Variants in NSUN6 observed in about 807,000 individuals in gnomAD.
NSUN6 encodes the protein tRNA (cytosine(72)-C(5))-methyltransferase NSUN6.
A neutral mutation model predicts 58.0 loss-of-function variants in NSUN6; 64 were observed. The ratio of observed to expected loss-of-function variants is 1.10; its 90% CI spans 0.90 to 1.36. The LOEUF is 1.36. NSUN6 is among the 40% of genes most tolerant of loss of function. The pLI is 0.00. For synonymous variants in NSUN6, 231 were observed against 193.9 expected, an observed-to-expected ratio of 1.19 and a Z score of -1.59; for missense variants, 701 against 550.1, an observed-to-expected ratio of 1.27 and a Z score of -2.74.
rs955118634 is a variant in NSUN6, at chr10:18,579,939, C to T, written c.922+6010G>A. On this transcript the variant is annotated intron_variant, in intron 8 of 10. Coordinates refer to ENST00000377304, the MANE Select transcript of NSUN6 (RefSeq NM_182543.5). ...AATGGGAAGCAGGTTTGCCCTAACC[C>T]GTTCCCAGCTTGACTTTTCCCTTTA... Among the ~76,000 whole-genome samples the T allele has an allele frequency of 5.3e-5, 8 of 152,264 alleles. No homozygotes were observed. In the East Asian group the frequency reaches 1.2e-3, roughly 22 times the overall value.
intron 3 of NSUN6, among the ~76,000 whole-genome samples, chr10:18,623,066 T>C (rs1235131577): frequency 1.3e-5 from 2 of 152,222 alleles, no homozygotes; most frequent in Admixed American, 6.5e-5. Flanking sequence ...AAAAATCATC[T>C]TCCAGAAATT....
intron 5 of NSUN6, among the ~76,000 whole-genome samples, chr10:18,611,177 C>T (rs1180887087): frequency 2.0e-5 from 3 of 151,994 alleles, no homozygotes; most frequent in Non-Finnish European, 1.5e-5. Flanking sequence ...GCCTGGGCAA[C>T]GAGCACCCAA....
chr10:18,637,256 C>T (rs2059249598), intron 3 of NSUN6, among the ~76,000 whole-genome samples: 2 of 152,118 alleles, frequency 1.3e-5, no homozygotes, highest in African/African-American at 2.4e-5. Context: ...AGCCACCACG[C>T]CCGGCCTCTT....
In NSUN6 at chr10:18,596,200, A is replaced by G. The variant is rs189079010; in HGVS notation, c.777+8T>C. On this transcript the variant is annotated splice_region_variant and intron_variant, in intron 7 of 10. Transcript: ENST00000377304. ...TTGAGAGTGGATTTGCTGTGAAGAC[A>G]GTCTCACCTGATCATGCATTAGTGC... 7.3e-4 allele frequency: 1,179 copies of G among 1,608,540 alleles called. 12 individuals carry two copies. In the African/African-American group the frequency reaches 0.015, roughly 20 times the overall value.
chr10:18,558,887 G>A (rs1359932839), intron 8 of NSUN6, among the ~76,000 whole-genome samples: 6 of 150,986 alleles, frequency 4.0e-5, no homozygotes, highest in African/African-American at 1.5e-4. Context: ...AAATGCAATG[G>A]TGAATAGAAT....
At chr10:18,653,088 C>T, upstream of NSUN6, 1 of 984,790 alleles carries the variant, frequency 1.0e-6, no homozygotes, top group Non-Finnish European at 1.2e-6. Context: ...TTTCTGTAGC[C>T]TGAATTTCAT....
Position 18,551,884 on chromosome 10 carries a change from C to A in NSUN6, c.1010G>T (p.Cys337Phe), listed in dbSNP as rs1339297186. The A allele has an allele frequency of 6.2e-7, 1 of 1,612,550 alleles. No homozygotes were observed. Among genetic ancestry groups the A allele is most frequent in the East Asian group, 2.2e-5 (1 of 44,856 alleles). ...TGCCACTTCCTTCACAGACCAAGTA[C>A]AGGCCATGTTTGGTCTCTGTCCCAT... is the stretch of plus-strand genomic sequence containing the variant. ...SGMGQRPNMA[C>F]TWSVKEVASY... Residue 337 changes from cysteine (C) to phenylalanine (F), a missense_variant, in exon 9 of 11, where the codon TGT (cysteine) becomes TTT (phenylalanine). Transcript: ENST00000377304.
chr10:18,546,999 A>C (rs192339398), intron 10 of NSUN6, among the ~76,000 whole-genome samples: 1 of 152,332 alleles, frequency 6.6e-6, no homozygotes, highest in African/African-American at 2.4e-5. Flanking sequence ...ATTCAGCTTT[A>C]TTTAACAGTT....
At chr10:18,565,732 A>G (rs2055876032) in intron 8 of NSUN6, among the ~76,000 whole-genome samples, 1 of 144,546 alleles carries the variant, frequency 6.9e-6, no homozygotes, top group African/African-American at 2.6e-5. Flanking sequence ...TATATTCACA[A>G]CAATCTCCAT....
chr10:18,585,948 C>T lies in NSUN6; in HGVS notation c.922+1G>A. On this transcript the variant is annotated splice_donor_variant, in intron 8 of 10. Transcript: ENST00000377304. LOFTEE classifies it high-confidence loss of function. ...AAAATAAGAAAATCAAAATAGCTCA[C>T]CTTCTGTGTCCTCCACCATATCAAG... 6.3e-7 allele frequency: 1 copy of T among 1,589,524 alleles called. No homozygotes were observed. Among genetic ancestry groups the T allele is most frequent in the South Asian group, 1.2e-5 (1 of 86,050 alleles).
chr10:18,590,181 A>G (rs995948072), intron 7 of NSUN6, among the ~76,000 whole-genome samples: 1 of 152,232 alleles, frequency 6.6e-6, no homozygotes, highest in Admixed American at 6.5e-5. Flanking sequence ...CATAATGACA[A>G]AAGGGTCAAT....
chr10:18,651,817 A>G (rs1443194106), upstream of NSUN6: 4 of 985,292 alleles, frequency 4.1e-6, no homozygotes, highest in African/African-American at 1.7e-5. Flanking sequence ...ATGGTCAAAG[A>G]TATTTAGTTC....
At chr10:18,558,164 G>A (rs1385505482) in intron 8 of NSUN6, among the ~76,000 whole-genome samples, 2 of 151,284 alleles carry the variant, frequency 1.3e-5, no homozygotes, top group African/African-American at 2.4e-5. Flanking sequence ...AGAATGGAAT[G>A]GAGAATGGAA....
chr10:18,620,523 C>A (rs1265248227), intron 3 of NSUN6, among the ~76,000 whole-genome samples: 1 of 152,166 alleles, frequency 6.6e-6, no homozygotes, highest in Non-Finnish European at 1.5e-5. Flanking sequence ...AACAAATAGC[C>A]AAACCTGATC....
chr10:18,659,184 C>G (rs953663387), upstream of NSUN6: 2 of 166,444 alleles, frequency 1.2e-5, no homozygotes, highest in Admixed American at 1.3e-4. Context: ...TCCCACCCCC[C>G]CGCGATACCG....
Position 18,576,587 on chromosome 10 carries a change from C to T in NSUN6, c.922+9362G>A, listed in dbSNP as rs144102292. Among the ~76,000 whole-genome samples, 151 of 152,286 alleles carry T rather than the reference C, an allele frequency of 9.9e-4. 1 individual carries two copies. Among genetic ancestry groups the T allele is most frequent in the African/African-American group, 3.0e-3 (123 of 41,558 alleles). On this transcript the variant is annotated intron_variant, in intron 8 of 10. Coordinates refer to ENST00000377304, the MANE Select transcript of NSUN6 (RefSeq NM_182543.5). ...GCCAAGCTCTCTCTCTGCTACATCCCGAAGTTTGACACCCTGCAGGTCAGC... is the reference window on the plus strand; with the variant it reads ...GCCAAGCTCTCTCTCTGCTACATCCTGAAGTTTGACACCCTGCAGGTCAGC...
chr10:18,658,607 T>C (rs1222325239), upstream of NSUN6: 1 of 927,828 alleles, frequency 1.1e-6, no homozygotes, highest in African/African-American at 1.8e-5. Flanking sequence ...TGGAGAGGGG[T>C]GCTATGTGTT....
In NSUN6 at chr10:18,620,766, A is replaced by G. The variant is rs535808346; in HGVS notation, c.312-4473T>C. ...AATTTATACTTCTACTGTGACTATC[A>G]TAACAGTCTGACTTGTACCAAAGTC... On this transcript the variant is annotated intron_variant, in intron 3 of 10. Coordinates refer to ENST00000377304, the MANE Select transcript of NSUN6 (RefSeq NM_182543.5). Among the ~76,000 whole-genome samples the G allele has an allele frequency of 5.8e-4, 89 of 152,358 alleles. 1 individual carries two copies. Among genetic ancestry groups the G allele is most frequent in the South Asian group, 2.7e-3 (13 of 4,830 alleles).
intron 1 of NSUN6, among the ~76,000 whole-genome samples, chr10:18,650,076 G>A (rs1234506791): frequency 6.6e-6 from 1 of 152,288 alleles, no homozygotes; most frequent in Non-Finnish European, 1.5e-5. Flanking sequence ...GTGGTAGAGA[G>A]GACAGGCTTT....
Sources: allele counts gnomAD v4.1 joint callset (sites outside exome capture counted in the v4.1 genomes callset), GRCh38; gene constraint gnomAD v4.1.1; transcripts MANE v1.5; gene names NCBI Gene and HGNC (gene_info 2026-07-23, HGNC 2026-07-21).